TTN: variants seen among roughly 807,000 people sequenced by gnomAD.
The protein encoded by TTN is connectin.
TTN carries 1,525 observed loss-of-function variants against 3,223.0 expected under a neutral mutation model. That is an observed-to-expected ratio of 0.47 (90% CI 0.45 to 0.49). The LOEUF is 0.49. Ranked by LOEUF, TTN falls within the 20% of genes least tolerant of loss-of-function variation. The pLI is 0.00. For synonymous variants in TTN, 14,094 were observed against 15,161.0 expected (o/e 0.93, Z 5.17); for missense variants, 40,786 against 43,424.0 (o/e 0.94, Z 5.40).
chr2:178,613,870 C>A lies in TTN; in HGVS notation c.49413G>T (p.Trp16471Cys), dbSNP rs202094100. Residue 16471 changes from tryptophan (W) to cysteine (C), a missense_variant, in exon 263 of 363, where the codon TGG (tryptophan) becomes TGT (cysteine). Transcript: ENST00000589042. ...TGCCACCATCATCATCTGGCTCACA[C>A]CATGTGAGAGTCACTGCGTCTTTAG... ...DITKDAVTLT[W>C]CEPDDDGGSP... is the part of the protein sequence containing the mutation. 941 of 1,611,738 alleles carry A rather than the reference C, an allele frequency of 5.8e-4. No homozygotes were observed. The highest frequency in any genetic ancestry group is 7.2e-4 in the Non-Finnish European group (844 of 1,178,842).
chr2:178,725,293 A>T, intron 71 of TTN, 75 bp downstream of exon 71: 1 of 1,380,252 alleles, frequency 7.2e-7, no homozygotes, highest in East Asian at 2.6e-5. Flanking sequence ...AACTCAGAAA[A>T]AGAATCTGCC....
chr2:178,756,153 G>T (rs2086860296), intron 46 of TTN, 69 bp downstream of exon 46: 2 of 1,157,312 alleles, frequency 1.7e-6, no homozygotes, highest in Middle Eastern at 2.0e-4. Flanking sequence ...GATTGAATTT[G>T]CATGGCAGAA....
chr2:178,638,944 T>C (rs1415126055), intron 223 of TTN, among the ~76,000 whole-genome samples: 1 of 152,042 alleles, frequency 6.6e-6, no homozygotes, highest in African/African-American at 2.4e-5. Flanking sequence ...GACTATCAAT[T>C]ACACATCAAA....
chr2:178,646,336 A>G (rs956262518), intron 216 of TTN, 149 bp downstream of exon 216: 12 of 495,738 alleles, frequency 2.4e-5, no homozygotes, highest in Non-Finnish European at 3.8e-5. Flanking sequence ...AGTTACATGG[A>G]AACCTAAGAA....
At chr2:178,667,155 A>C (rs1395520110) in intron 162 of TTN, 81 bp downstream of exon 162, 8 of 1,210,650 alleles carry the variant, frequency 6.6e-6, no homozygotes, top group Non-Finnish European at 9.3e-6. Flanking sequence ...GGTTGTGAGA[A>C]TGTATATTAA....
intron 47 of TTN, chr2:178,750,239 T>G (rs2085038399): frequency 1.9e-6 from 3 of 1,613,144 alleles, no homozygotes; most frequent in Non-Finnish European, 1.7e-6. Flanking sequence ...TTCTTCCTCA[T>G]CCAAGTAGTC....
At chr2:178,801,155 T>A (rs2094041448) in intron 3 of TTN, among the ~76,000 whole-genome samples, 1 of 152,260 alleles carries the variant, frequency 6.6e-6, no homozygotes, top group Admixed American at 6.5e-5. Flanking sequence ...TTTAAAATTC[T>A]AAACCTTCTC....
chr2:178,804,106 AT>A (rs1270690345), intron 2 of TTN, among the ~76,000 whole-genome samples: 2 of 152,204 alleles, frequency 1.3e-5, no homozygotes, highest in African/African-American at 2.4e-5. Context: ...GGAAAATTAG[AT>A]GCACTGTTAT....
In TTN at chr2:178,612,975, C is replaced by A. The variant is rs760072934; in HGVS notation, c.49746G>T (p.Lys16582Asn). 5 of 1,612,648 alleles carry A rather than the reference C, an allele frequency of 3.1e-6. No individual in the cohort carries two copies. In the African/African-American group the frequency reaches 6.7e-5, roughly 22 times the overall value. Residue 16582 changes from lysine to asparagine, a missense_variant, in exon 265 of 363, where the codon AAG becomes AAT. Transcript: ENST00000589042. ...WTKPEHDGGA[K>N]IESYVIEMLK... ...GCATTTCAATGACATAAGACTCAAT[C>A]TTTGCACCTCCATCATGTTCTGGTT...
rs749987527 is a variant in TTN, at chr2:178,538,757, A to G, written c.99072T>C (p.Cys33024=). The G allele has an allele frequency of 1.9e-6, 3 of 1,613,628 alleles. No individual in the cohort carries two copies. Among genetic ancestry groups the G allele is most frequent in the Non-Finnish European group, 2.5e-6 (3 of 1,179,692 alleles). ...ATCCAAGAATTTCTTTACCACCATC[A>G]CATTCAGGTTTCTCCCACTGTAGAG... The part of the protein sequence containing the change: ...SVTLQWEKPE[C]DGGKEILGYW... The change falls in exon 354 of 363, where the codon TGT becomes TGC. Residue 33024 remains cysteine (C), a synonymous_variant. Transcript: ENST00000589042.
chr2:178,584,271 C>A lies in TTN; in HGVS notation c.65275+5G>T. 6.5e-7 allele frequency: 1 copy of A among 1,544,414 alleles called. No homozygotes were observed. Among genetic ancestry groups the A allele is most frequent in the Non-Finnish European group, 8.7e-7 (1 of 1,147,564 alleles). ...CAACAACAATAAAAAAACCCCAAAA[C>A]TTACCAACTGGCATTCTTGCAGTTA... On this transcript the variant is annotated splice_donor_5th_base_variant and intron_variant, in intron 311 of 362. Coordinates refer to ENST00000589042, the MANE Select transcript of TTN (RefSeq NM_001267550.2).
At chr2:178,622,946 A>G (rs572275468) in intron 242 of TTN, among the ~76,000 whole-genome samples, 179 bp from the exon 243 acceptor site, 30 of 152,048 alleles carry the variant, frequency 2.0e-4, no homozygotes, top group African/African-American at 7.2e-4. Context: ...CTTTTTAGAT[A>G]TCTCTTTAGT....
Position 178,776,281 on chromosome 2 carries a change from G to A in TTN, c.5583C>T (p.Arg1861=), listed in dbSNP as rs368972275. Reference sequence around the variant, plus strand: ...GCTGAGGGTAGCCTGTTACCCTGCAGCGGAACCTTGCAGTCTCCCCTTCAA... The same window carrying A: ...GCTGAGGGTAGCCTGTTACCCTGCAACGGAACCTTGCAGTCTCCCCTTCAA... ...RVLEGETARF[R]CRVTGYPQPK... Residue 1861 remains arginine, a synonymous_variant, in exon 28 of 363, where the codon CGC becomes CGT. Coordinates refer to ENST00000589042, the MANE Select transcript of TTN (RefSeq NM_001267550.2). 9.3e-6 allele frequency: 15 copies of A among 1,613,978 alleles called. No individual in the cohort carries two copies. Among genetic ancestry groups the A allele is most frequent in the African/African-American group, 4.0e-5 (3 of 74,918 alleles).
Position 178,605,443 on chromosome 2 carries a change from G to C in TTN, c.53852C>G (p.Pro17951Arg). 6.2e-7 allele frequency: 1 copy of C among 1,609,446 alleles called. No homozygotes were observed. The highest frequency in any genetic ancestry group is 8.5e-7 in the Non-Finnish European group (1 of 1,177,222). ...NEIGESEPSL[P>R]LNVVIQDDEV... ...ATCATCTTGTATGACTACATTAAGAGGTAGGGATGGTTCACTTTCACCAAT... is the reference window on the plus strand; with the variant it reads ...ATCATCTTGTATGACTACATTAAGACGTAGGGATGGTTCACTTTCACCAAT... The change falls in exon 279 of 363, where the codon CCT (proline) becomes CGT (arginine). Residue 17951 changes from proline (P) to arginine (R), a missense_variant. By Grantham distance (103) the Pro-to-Arg change is moderately radical (BLOSUM62 -2). Coordinates refer to ENST00000589042, the MANE Select transcript of TTN (RefSeq NM_001267550.2).
chr2:178,649,605 G>C lies in TTN; in HGVS notation c.39922C>G (p.Pro13308Ala). The C allele has an allele frequency of 1.3e-6, 2 of 1,550,178 alleles. No homozygotes were observed. Among genetic ancestry groups the C allele is most frequent in the Non-Finnish European group, 8.7e-7 (1 of 1,146,598 alleles). Residue 13308 changes from proline (P) to alanine (A), a missense_variant, in exon 212 of 363, where the codon CCA becomes GCA. Transcript: ENST00000589042. Reference sequence around the variant, plus strand: ...TTAACAGTTGGGACCTTCTTCACTGGAACAACTTTCTTTGGCATCTCAGGT... The same window carrying C: ...TTAACAGTTGGGACCTTCTTCACTGCAACAACTTTCTTTGGCATCTCAGGT... ...KEPEMPKKVV[P>A]VKKVPTVKKP...
At position 178,620,613 on chromosome 2, in the gene TTN, C is replaced by G. The variant is rs771683786; in HGVS notation, c.45908G>C (p.Arg15303Thr). 1 of 1,608,048 alleles carries G rather than the reference C, an allele frequency of 6.2e-7. No individual in the cohort carries two copies. The highest frequency in any genetic ancestry group is 1.7e-5 in the Admixed American group (1 of 58,904). Reference protein sequence around the residue: ...ANLIVEEEDLRIVEPLKDIET... With the variant: ...ANLIVEEEDLTIVEPLKDIET... ...AATATCTTTAAGAGGCTCAACAATC[C>G]TAAGGTCTTCCTCTGTTGTAAAGGA... The change falls in exon 248 of 363, where the codon AGG (arginine) becomes ACG (threonine). Residue 15303 changes from arginine to threonine, a missense_variant. By Grantham distance (71) the Arg-to-Thr change is moderately conservative. Coordinates refer to ENST00000589042, the MANE Select transcript of TTN (RefSeq NM_001267550.2).
chr2:178,746,335 T>A, intron 47 of TTN: 3 of 1,612,474 alleles, frequency 1.9e-6, no homozygotes, highest in Non-Finnish European at 2.5e-6. Flanking sequence ...TATTTGGATC[T>A]ACAAAATTAA....
Position 178,704,340 on chromosome 2 carries a change from G to T in TTN, c.30030C>A (p.Cys10010Ter). ...ATTTTACATTTGGTACAGAAAATTG[G>T]CATGTCATGGTGCAAGTCTGGCCTT... The part of the protein sequence containing the change: ...LKEGQTCTMT[C>*]QFSVPNVKSE... The change falls in exon 106 of 363, where the codon TGC (cysteine) becomes TGA (stop). Residue 10010 changes from cysteine to a stop codon, truncating the protein, a stop_gained. Transcript: ENST00000589042. LOFTEE classifies it high-confidence loss of function. 2 of 1,614,004 alleles carry T rather than the reference G, an allele frequency of 1.2e-6. No homozygotes were observed. The highest frequency in any genetic ancestry group is 1.7e-5 in the Admixed American group (1 of 60,008).
chr2:178,600,137 C>G (rs1379940653), intron 288 of TTN, among the ~76,000 whole-genome samples: 1 of 151,758 alleles, frequency 6.6e-6, no homozygotes, highest in African/African-American at 2.4e-5. Flanking sequence ...TTCTCATATC[C>G]TGACAAAAGG....
Sources: allele counts gnomAD v4.1 joint callset (sites outside exome capture counted in the v4.1 genomes callset), GRCh38; gene constraint gnomAD v4.1.1; transcripts MANE v1.5; gene names NCBI Gene and HGNC (gene_info 2026-07-23, HGNC 2026-07-21).